Variants in RIOK3 observed in about 807,000 individuals in gnomAD.
The protein encoded by RIOK3 is serine/threonine-protein kinase RIO3.
A neutral mutation model predicts 63.5 loss-of-function variants in RIOK3; 40 were observed. The observed-to-expected ratio is 0.63, with a 90% CI of 0.49 to 0.82. RIOK3 has a LOEUF of 0.82. Ranked by LOEUF, RIOK3 falls within the 40% of genes least tolerant of loss-of-function variation. The pLI is 0.00. For synonymous variants in RIOK3, 193 were observed against 205.0 expected, an observed-to-expected ratio of 0.94 and a Z score of 0.50; for missense variants, 557 against 637.0, an observed-to-expected ratio of 0.87 and a Z score of 1.35.
rs2057390896 is a variant in RIOK3 at position 23,464,232 on chromosome 18, A to AC, written c.352_353insC (p.Lys118ThrfsTer6). 6.2e-7 allele frequency: 1 copy of AC among 1,613,742 alleles called. No individual in the cohort carries two copies. Among genetic ancestry groups the AC allele is most frequent in the Admixed American group, 1.7e-5 (1 of 59,902 alleles). On this transcript the variant is annotated frameshift_variant, in exon 4 of 13. Coordinates refer to ENST00000339486, the MANE Select transcript of RIOK3 (RefSeq NM_003831.5). LOFTEE classifies it high-confidence loss of function. ...TTCCATTTCCTTTGAAAATTATCGAAAAGTGCATCCTTATGAAGACAGCGA... is the reference window on the plus strand; with the variant it reads ...TTCCATTTCCTTTGAAAATTATCGAACAAGTGCATCCTTATGAAGACAGCGA...
intron 1 of RIOK3, among the ~76,000 whole-genome samples, chr18:23,455,908 C>A (rs1285210098): frequency 6.6e-6 from 1 of 152,214 alleles, no homozygotes; most frequent in African/African-American, 2.4e-5. Context: ...AGCAATTCTT[C>A]TTCCTCAGCC....
At chr18:23,477,484 C>A (rs1278506002) in intron 11 of RIOK3, among the ~76,000 whole-genome samples, 1 of 152,142 alleles carries the variant, frequency 6.6e-6, no homozygotes, top group Admixed American at 6.5e-5. Flanking sequence ...TCAAGGGGTG[C>A]CAGGTATGGT....
chr18:23,480,550 T>TGCAC (rs1207727804), intron 12 of RIOK3, among the ~76,000 whole-genome samples: 68 of 62,244 alleles, frequency 1.1e-3, no homozygotes, highest in African/African-American at 3.9e-3. Context: ...TATACTTGGA[T>TGCAC]GCACGCACAC....
intron 4 of RIOK3, 47 bp downstream of exon 4, chr18:23,464,360 A>G (rs772177157): frequency 1.5e-6 from 2 of 1,348,278 alleles, no homozygotes; most frequent in Non-Finnish European, 2.1e-6. Flanking sequence ...GAGGTATAGG[A>G]AGACTAATCT....
At chr18:23,463,409 C>CTTTTTTTTTTTTTTTTTTTTTT in intron 2 of RIOK3, 1 of 134,932 alleles carries the variant, frequency 7.4e-6, no homozygotes, top group Non-Finnish European at 1.5e-5. Context: ...TCCAGACTTT[C>CTTTTTTTTTTTTTTTTTTTTTT]TTTTTTTTTT....
chr18:23,463,879 A>G (rs2057387824), intron 2 of RIOK3, 88 bp from the exon 3 acceptor site: 1 of 1,122,798 alleles, frequency 8.9e-7, no homozygotes, highest in Non-Finnish European at 1.3e-6. Context: ...CAATTTTAAC[A>G]TGGAAAAGGC....
intron 2 of RIOK3, 150 bp from the exon 3 acceptor site, chr18:23,463,817 G>A (rs146844376): frequency 1.2e-3 from 774 of 649,046 alleles, no homozygotes; most frequent in Admixed American, 2.4e-3. Flanking sequence ...TGGTCTTAAG[G>A]CTAGCTGTGC....
At position 23,464,068 on chromosome 18, in the gene RIOK3, C is replaced by T; in HGVS notation, c.281C>T (p.Ala94Val). 6.2e-7 allele frequency: 1 copy of T among 1,613,288 alleles called. No homozygotes were observed. The highest frequency in any genetic ancestry group is 8.5e-7 in the Non-Finnish European group (1 of 1,179,720). The change falls in exon 3 of 13, where the codon GCA (alanine) becomes GTA (valine). Residue 94 changes from alanine (A) to valine (V), a missense_variant. Coordinates refer to ENST00000339486, the MANE Select transcript of RIOK3 (RefSeq NM_003831.5). ...LQMEYDREYD[A>V]QLRREEKKFN... Reference sequence around the variant, plus strand: ...ATGGAATATGACAGAGAATATGATGCACAGCTTAGGCGTGAAGAAAAAAAA... The same window carrying T: ...ATGGAATATGACAGAGAATATGATGTACAGCTTAGGCGTGAAGAAAAAAAA...
chr18:23,473,622 G>T lies in RIOK3; in HGVS notation c.1009G>T (p.Ala337Ser), dbSNP rs199977739. The change falls in exon 8 of 13, where the codon GCA (alanine) becomes TCA (serine). Residue 337 changes from alanine (A) to serine (S), a missense_variant. Coordinates refer to ENST00000339486, the MANE Select transcript of RIOK3 (RefSeq NM_003831.5). ...GGCAGAAAAAGAAATGCACAATCTC[G>T]CAAGGTAAAGAAAATATTGTGCTAG... ...MWAEKEMHNLARMQRAGIPCP... is the reference protein window; with the variant it reads ...MWAEKEMHNLSRMQRAGIPCP... The T allele has an allele frequency of 6.2e-6, 10 of 1,609,778 alleles. No individual in the cohort carries two copies. The Admixed American group carries it at 6.7e-5, about 11-fold the overall frequency.
Position 23,482,071 on chromosome 18 carries a change from T to A in RIOK3, c.*792T>A, listed in dbSNP as rs1385379889. 1 of 152,208 alleles carries A rather than the reference T, an allele frequency of 6.6e-6. No homozygotes were observed. Among genetic ancestry groups the A allele is most frequent in the Admixed American group, 6.5e-5 (1 of 15,278 alleles). The allele number at this position is 152,208 out of a possible 1,614,324, so 9.4% of individuals were successfully genotyped here. On this transcript the variant is annotated 3_prime_UTR_variant, in exon 13 of 13. Coordinates refer to ENST00000339486, the MANE Select transcript of RIOK3 (RefSeq NM_003831.5). Reference sequence around the variant, plus strand: ...GTAAATTATCTGAAAGGACAGAATATAAGATTTAACCATGTTTGACGTATT... The same window carrying A: ...GTAAATTATCTGAAAGGACAGAATAAAAGATTTAACCATGTTTGACGTATT...
At position 23,482,494 on chromosome 18, in the gene RIOK3, AGGG is replaced by A. The variant is rs2057541894; in HGVS notation, c.*1216_*1218del. The A allele has an allele frequency of 6.9e-6, 1 of 145,908 alleles. No individual in the cohort carries two copies. The highest frequency in any genetic ancestry group is 1.5e-5 in the Non-Finnish European group (1 of 66,970). 9.0% of individuals were successfully genotyped at this position (145,908 alleles called of 1,614,324 possible). On this transcript the variant is annotated 3_prime_UTR_variant, in exon 13 of 13. Transcript: ENST00000339486. ...CACTGCACTCCGGCCTAGGTGACAG[AGGG>A]AAACTCCATCTCCAGGAAAAAAAAA...
chr18:23,454,658 A>G lies in RIOK3; in HGVS notation c.63+1156A>G, dbSNP rs531614140. On this transcript the variant is annotated intron_variant, in intron 1 of 12. Transcript: ENST00000339486. ...ATGAGACAGACTCTATTCAGAATAC[A>G]TCCTAATCTCAGAACAAATTTCACT... 5.7e-4 allele frequency among the ~76,000 whole-genome samples: 87 copies of G among 152,368 alleles called. 1 individual carries two copies. The highest frequency in any genetic ancestry group is 1.9e-3 in the African/African-American group (81 of 41,592).
At position 23,464,604 on chromosome 18, in the gene RIOK3, A is replaced by G. The variant is rs1482772206; in HGVS notation, c.519A>G (p.Arg173=). 6.3e-7 allele frequency: 1 copy of G among 1,596,402 alleles called. No homozygotes were observed. The highest frequency in any genetic ancestry group is 8.5e-7 in the Non-Finnish European group (1 of 1,172,438). Residue 173 remains arginine (R), a synonymous_variant, in exon 5 of 13, where the codon AGA becomes AGG. Transcript: ENST00000339486. ...TTKHDEVVCG[R]KNTARMENFA... is the part of the protein sequence containing the mutation. ...AACATGATGAAGTAGTATGTGGGAG[A>G]AAGAACACAGCAAGAATGGAAAATG...
intron 6 of RIOK3, among the ~76,000 whole-genome samples, chr18:23,466,864 T>C (rs1414292552): frequency 6.6e-6 from 1 of 151,472 alleles, no homozygotes; most frequent in Non-Finnish European, 1.5e-5. Context: ...TAGCCGGGCA[T>C]GTTGGTGTGC....
chr18:23,455,786 A>G (rs1489707687), intron 1 of RIOK3, among the ~76,000 whole-genome samples: 2 of 150,158 alleles, frequency 1.3e-5, no homozygotes, highest in African/African-American at 4.9e-5. Context: ...GGCCAGTGCC[A>G]CCACACCTAG....
chr18:23,475,062 G>C lies in RIOK3; in HGVS notation c.1128G>C (p.Lys376Asn). 1 of 1,613,520 alleles carries C rather than the reference G, an allele frequency of 6.2e-7. No individual in the cohort carries two copies. Among genetic ancestry groups the C allele is most frequent in the Non-Finnish European group, 8.5e-7 (1 of 1,179,612 alleles). Residue 376 changes from lysine (K) to asparagine (N), a missense_variant, in exon 9 of 13, where the codon AAG (lysine) becomes AAC (asparagine). Lys to Asn is a moderately conservative substitution (Grantham distance 94, BLOSUM62 0). Transcript: ENST00000339486. The part of the protein sequence containing the change: ...QVPAPKLKEV[K>N]LNSEEMKEAY... ...CAGCCCCTAAATTAAAAGAAGTAAA[G>C]CTCAATAGTGAAGAAATGAAAGAAG...
intron 7 of RIOK3, among the ~76,000 whole-genome samples, chr18:23,468,509 G>C (rs1485931703): frequency 1.3e-5 from 2 of 151,758 alleles, no homozygotes; most frequent in Non-Finnish European, 2.9e-5. Flanking sequence ...CACCATGTTA[G>C]CCAGGCTGGT....
intron 7 of RIOK3, among the ~76,000 whole-genome samples, chr18:23,469,391 CTCT>C: frequency 5.5e-5 from 1 of 18,252 alleles, no homozygotes. Flanking sequence ...TCCCTCCCCT[CTCT>C]CCTCTCTCCC....
At position 23,464,240 on chromosome 18, in the gene RIOK3, T is replaced by C. The variant is rs1482631176; in HGVS notation, c.360T>C (p.His120=). The part of the protein sequence containing the change: ...SISFENYRKV[H]PYEDSDSSED... ...CCTTTGAAAATTATCGAAAAGTGCATCCTTATGAAGACAGCGATAGCTCTG... is the reference window on the plus strand; with the variant it reads ...CCTTTGAAAATTATCGAAAAGTGCACCCTTATGAAGACAGCGATAGCTCTG... The change falls in exon 4 of 13, where the codon CAT becomes CAC. Residue 120 remains histidine, a synonymous_variant. Transcript: ENST00000339486. The C allele has an allele frequency of 6.2e-7, 1 of 1,614,106 alleles. No individual in the cohort carries two copies. Among genetic ancestry groups the C allele is most frequent in the Non-Finnish European group, 8.5e-7 (1 of 1,179,982 alleles).
Sources: allele counts gnomAD v4.1 joint callset (sites outside exome capture counted in the v4.1 genomes callset), GRCh38; gene constraint gnomAD v4.1.1; transcripts MANE v1.5; gene names NCBI Gene and HGNC (gene_info 2026-07-23, HGNC 2026-07-21).